Variants in NDUFB1 observed in about 807,000 individuals in gnomAD.
The protein encoded by NDUFB1 is NADH:ubiquinone oxidoreductase subunit B1, also known as NADH dehydrogenase [ubiquinone] 1 beta subcomplex subunit 1.
Under a neutral mutation model 6.7 loss-of-function variants are expected in NDUFB1, and 6 were observed. The observed-to-expected ratio is 0.89, with a 90% CI of 0.49 to 1.76. NDUFB1 has a LOEUF of 1.76. Ranked by LOEUF, NDUFB1 falls within the 40% of genes most tolerant of loss-of-function variation. NDUFB1 has a pLI of 0.01. For synonymous variants in NDUFB1, 17 were observed against 22.9 expected, an observed-to-expected ratio of 0.74 and a Z score of 0.74; for missense variants, 56 against 71.0, an observed-to-expected ratio of 0.79 and a Z score of 0.76.
At chr14:92,117,682 T>C (rs1052670397) in intron 1 of NDUFB1, 40 bp from the exon 2 acceptor site, 1 of 1,448,676 alleles carries the variant, frequency 6.9e-7, no homozygotes, top group Non-Finnish European at 9.5e-7. Flanking sequence ...AACTGCTTTG[T>C]TTTTTTTTTG....
intron 1 of NDUFB1, among the ~76,000 whole-genome samples, chr14:92,119,298 C>T (rs182266635): frequency 6.5e-4 from 87 of 133,012 alleles, no homozygotes; most frequent in African/African-American, 2.4e-3. Flanking sequence ...GACGACAGAG[C>T]GTGATGCTGT....
chr14:92,117,906 G>A (rs1229470876), intron 1 of NDUFB1: 5 of 391,150 alleles, frequency 1.3e-5, no homozygotes, highest in Middle Eastern at 8.0e-4. Flanking sequence ...GCTGAGGCAG[G>A]AGAATTGCTT....
chr14:92,120,045 A>C (rs1446989702), intron 1 of NDUFB1, among the ~76,000 whole-genome samples: 2 of 152,100 alleles, frequency 1.3e-5, no homozygotes, highest in South Asian at 2.1e-4. Context: ...GATCAGGGAT[A>C]CTGAACCTGT....
rs75518040 is a variant in NDUFB1 at position 92,116,838 on chromosome 14, C to T, written c.141-609G>A. 9.1e-3 allele frequency among the ~76,000 whole-genome samples: 1,391 copies of T among 152,072 alleles called. 13 individuals are homozygous for T. The highest frequency in any genetic ancestry group is 0.031 in the African/African-American group (1,273 of 41,468). On this transcript the variant is annotated intron_variant, in intron 2 of 2. Coordinates refer to ENST00000605997, the MANE Select transcript of NDUFB1 (RefSeq NM_004545.4). ...AGTTCATTCGAAATGTTTTCTAAAC[C>T]CTTTCCAGCTTATTTTCTTTCTTGA...
intron 1 of NDUFB1, 103 bp downstream of exon 1, chr14:92,121,539 C>T (rs2068763859): frequency 2.0e-6 from 3 of 1,525,338 alleles, no homozygotes; most frequent in Admixed American, 1.8e-5. Flanking sequence ...AAGCCCAGAC[C>T]ACCCCTCCAC....
chr14:92,120,283 T>C (rs915415842), intron 1 of NDUFB1: 1 of 152,102 alleles, frequency 6.6e-6, no homozygotes, highest in Admixed American at 6.5e-5. Context: ...GCTAGGACTA[T>C]GTAGACTGAA....
intron 2 of NDUFB1, among the ~76,000 whole-genome samples, chr14:92,116,985 T>G (rs907530446): frequency 2.0e-5 from 3 of 152,228 alleles, no homozygotes; most frequent in Non-Finnish European, 4.4e-5. Context: ...CATCCTGTCT[T>G]GCTAACTGGA....
chr14:92,121,297 G>A, intron 1 of NDUFB1: 1 of 427,496 alleles, frequency 2.3e-6, no homozygotes, highest in East Asian at 4.8e-5. Context: ...AATGTAAGCT[G>A]CTCGCGGAGG....
chr14:92,116,428 G>A (rs934826784), intron 2 of NDUFB1, among the ~76,000 whole-genome samples, 199 bp from the exon 3 acceptor site: 3 of 147,632 alleles, frequency 2.0e-5, no homozygotes, highest in Non-Finnish European at 3.0e-5. Flanking sequence ...CCACCTCCTG[G>A]CTTCAAGCGA....
intron 1 of NDUFB1, chr14:92,120,256 G>A (rs1441659258): frequency 6.6e-6 from 1 of 151,942 alleles, no homozygotes; most frequent in Non-Finnish European, 1.5e-5. Context: ...CAACAAAAGT[G>A]CTTAGCACTA....
intron 1 of NDUFB1, among the ~76,000 whole-genome samples, chr14:92,119,966 G>T (rs150262466): frequency 1.3e-5 from 2 of 151,842 alleles, no homozygotes; most frequent in Non-Finnish European, 2.9e-5. Flanking sequence ...TTGCTATGTT[G>T]CCCAGGCTGG....
intron 1 of NDUFB1, among the ~76,000 whole-genome samples, chr14:92,119,358 T>C (rs1447352663): frequency 6.6e-6 from 1 of 151,844 alleles, no homozygotes; most frequent in Non-Finnish European, 1.5e-5. Context: ...AGAGCCATCA[T>C]CTATTTCTAT....
Position 92,121,670 on chromosome 14 carries a change from G to C in NDUFB1, c.-34C>G. 1.2e-6 allele frequency: 2 copies of C among 1,613,634 alleles called. No homozygotes were observed. Among genetic ancestry groups the C allele is most frequent in the Non-Finnish European group, 8.5e-7 (1 of 1,179,944 alleles). ...CAGCCTCAGCGCCTACAGCGACCCC[G>C]AGACCAAGGGCAACAGGGAACTCAA... On this transcript the variant is annotated 5_prime_UTR_variant, in exon 1 of 3. Transcript: ENST00000605997.
At chr14:92,119,120 T>G (rs533285768) in intron 1 of NDUFB1, among the ~76,000 whole-genome samples, 46 of 152,258 alleles carry the variant, frequency 3.0e-4, no homozygotes, top group African/African-American at 1.1e-3. Flanking sequence ...GAGACTAGCC[T>G]GGTTAACATG....
Position 92,117,620 on chromosome 14 carries a change from C to T in NDUFB1, c.18G>A (p.Gln6=), listed in dbSNP as rs553152520. ...CATGAACCCAGTGGTCCCGCACAAT[C>T]TGAAGTAAGTTCACCATGATAGCTA... MVNLL[Q]IVRDHWVHVL... The change falls in exon 2 of 3, where the codon CAG becomes CAA. Residue 6 remains glutamine (Q), a synonymous_variant. Coordinates refer to ENST00000605997, the MANE Select transcript of NDUFB1 (RefSeq NM_004545.4). 1 of 1,613,848 alleles carries T rather than the reference C, an allele frequency of 6.2e-7. No homozygotes were observed. The highest frequency in any genetic ancestry group is 1.3e-5 in the African/African-American group (1 of 74,976).
intron 1 of NDUFB1, among the ~76,000 whole-genome samples, chr14:92,119,522 T>C (rs937696948): frequency 6.6e-6 from 1 of 152,160 alleles, no homozygotes; most frequent in Non-Finnish European, 1.5e-5. Flanking sequence ...CTTCCTGAAT[T>C]GATGTTTATG....
chr14:92,117,699 C>G, intron 1 of NDUFB1, 57 bp from the exon 2 acceptor site: 1 of 1,554,848 alleles, frequency 6.4e-7, no homozygotes, highest in Admixed American at 1.8e-5. Flanking sequence ...TTTGAAATAG[C>G]TTTTAAATTG....
rs192078818 is a variant in NDUFB1, at chr14:92,119,290, C to T, written c.-5-1648G>A. 4.2e-5 allele frequency among the ~76,000 whole-genome samples: 6 copies of T among 142,670 alleles called. No individual in the cohort carries two copies. In the South Asian group the frequency reaches 9.0e-4, roughly 21 times the overall value. 93.6% of individuals were successfully genotyped at this position (142,670 alleles called of 152,430 possible). On this transcript the variant is annotated intron_variant, in intron 1 of 2. Transcript: ENST00000605997. ...TCACACCACTGTACTCTAGCCTGGA[C>T]GACAGAGCGTGATGCTGTCTCAAAA...
intron 1 of NDUFB1, among the ~76,000 whole-genome samples, chr14:92,119,376 G>A (rs753142362): frequency 2.6e-5 from 4 of 151,382 alleles, no homozygotes; most frequent in Non-Finnish European, 5.9e-5. Flanking sequence ...TATACGTAAT[G>A]TGAAATAACT....
Sources: gnomAD v4.1 joint callset for allele counts (sites outside exome capture counted in the v4.1 genomes callset) on GRCh38, gnomAD v4.1.1 for gene constraint, MANE v1.5 for transcripts, NCBI Gene and HGNC (gene_info 2026-07-23, HGNC 2026-07-21) for gene names.